The following GABBR2 variants were observed in gnomAD, a reference collection of about 807,000 sequenced individuals.
GABBR2 encodes the protein gamma-aminobutyric acid type B receptor subunit 2, also known as G-protein coupled receptor 51.
GABBR2 carries 23 observed loss-of-function variants against 105.6 expected under a neutral mutation model. The ratio of observed to expected loss-of-function variants is 0.22; its 90% CI spans 0.16 to 0.31. The LOEUF is 0.31. Among genes scored for constraint, GABBR2 ranks in the 10% least tolerant of loss-of-function variants. The pLI is 1.00. For synonymous variants in GABBR2, 478 were observed against 499.7 expected (o/e 0.96, Z 0.58); for missense variants, 734 against 1,245.5 (o/e 0.59, Z 6.18).
chr9:98,517,873 A>C (rs200324071), intron 3 of GABBR2, among the ~76,000 whole-genome samples: 2 of 151,410 alleles, frequency 1.3e-5, no homozygotes, highest in African/African-American at 4.9e-5. Flanking sequence ...CAGGAGTCAG[A>C]AGACCAGTGA....
At chr9:98,630,201 G>A (rs192817938) in intron 1 of GABBR2, among the ~76,000 whole-genome samples, 1 of 152,300 alleles carries the variant, frequency 6.6e-6, no homozygotes, top group Non-Finnish European at 1.5e-5. Context: ...ATCACTGGGT[G>A]AGAAGCATCC....
chr9:98,336,482 G>A (rs1040547012), intron 13 of GABBR2, among the ~76,000 whole-genome samples: 2 of 152,220 alleles, frequency 1.3e-5, no homozygotes, highest in South Asian at 4.1e-4. Flanking sequence ...AAGGCGGGTG[G>A]ATCACAAAGT....
chr9:98,640,270 G>T (rs1829942120), intron 1 of GABBR2, among the ~76,000 whole-genome samples: 1 of 152,032 alleles, frequency 6.6e-6, no homozygotes, highest in South Asian at 2.1e-4. Flanking sequence ...AGTAACACAT[G>T]TTGAACTGAA....
Position 98,454,258 on chromosome 9 carries a change from G to GGT in GABBR2, c.1000-42_1000-41insAC, listed in dbSNP as rs765642092. The stretch of plus-strand genomic sequence containing the variant: ...ATTGGGGGAATCCCAAGTTATACTC[G>GGT]GCAGGGACATCAGGTGCCTGATGCC... On this transcript the variant is annotated intron_variant, in intron 6 of 18. Transcript: ENST00000259455. This position sits in a 1 kb window ranked among gnomAD's most constrained non-coding sequence, Gnocchi z 4.6. 4 of 1,384,118 alleles carry GGT rather than the reference G, an allele frequency of 2.9e-6. No homozygotes were observed. In the South Asian group the frequency reaches 4.6e-5, roughly 16 times the overall value. 85.7% of individuals were successfully genotyped at this position (1,384,118 alleles called of 1,614,324 possible).
intron 1 of GABBR2, among the ~76,000 whole-genome samples, chr9:98,707,010 C>G (rs1180584766): frequency 6.6e-6 from 1 of 152,236 alleles, no homozygotes; most frequent in East Asian, 1.9e-4. Context: ...GGACGCCTCT[C>G]CGCCTGCAGC....
intron 13 of GABBR2, among the ~76,000 whole-genome samples, chr9:98,345,849 A>G (rs191574926): frequency 2.6e-5 from 4 of 152,372 alleles, no homozygotes; most frequent in Admixed American, 1.3e-4. Context: ...CCACTGCAAT[A>G]AAGTGGATAT....
chr9:98,487,535 G>A (rs1293865429), intron 4 of GABBR2, among the ~76,000 whole-genome samples: 1 of 152,076 alleles, frequency 6.6e-6, no homozygotes, highest in African/African-American at 2.4e-5. Flanking sequence ...AGCACATTAG[G>A]AGGCCAAGGC....
At chr9:98,362,871 G>A (rs1295081918) in intron 12 of GABBR2, 34 bp from the exon 13 acceptor site, 3 of 1,467,716 alleles carry the variant, frequency 2.0e-6, no homozygotes, top group Non-Finnish European at 1.8e-6. Flanking sequence ...GGGAGCCGAT[G>A]TGAGAGACAG....
At chr9:98,496,580 G>A (rs1392960008) in intron 3 of GABBR2, 66 bp from the exon 4 acceptor site, 1 of 1,059,496 alleles carries the variant, frequency 9.4e-7, no homozygotes, top group African/African-American at 1.5e-5. Flanking sequence ...GTTCCGAGGG[G>A]TCACCCTGGG....
chr9:98,461,642 G>A (rs888531441), intron 6 of GABBR2, among the ~76,000 whole-genome samples: 12 of 152,128 alleles, frequency 7.9e-5, no homozygotes, highest in African/African-American at 2.4e-4. Context: ...ATATCTTCAC[G>A]AGCATGGGTG....
At chr9:98,443,400 C>T (rs1826066842) in intron 7 of GABBR2, among the ~76,000 whole-genome samples, 1 of 152,190 alleles carries the variant, frequency 6.6e-6, no homozygotes, top group Admixed American at 6.5e-5. Flanking sequence ...TGCTAAACCA[C>T]ATTATTTTGA....
At chr9:98,571,297 G>A (rs1828826252) in intron 2 of GABBR2, among the ~76,000 whole-genome samples, 3 of 152,202 alleles carry the variant, frequency 2.0e-5, no homozygotes, top group Admixed American at 2.0e-4. Flanking sequence ...CATGGACTGT[G>A]AGCTTCATCC....
Position 98,306,280 on chromosome 9 carries a change from C to T in GABBR2, c.2070G>A (p.Lys690=). The change falls in exon 15 of 19, where the codon AAG becomes AAA. Residue 690 remains lysine, a synonymous_variant. Transcript: ENST00000259455. The surrounding 1 kb of genome is among the most constrained non-coding windows in gnomAD (Gnocchi z 5.4). Reference sequence around the variant, plus strand: ...CGTTGTAGACACTCATCCCGATGTACTTGCTGTCGTTGAGTGCGGGGATGC... The same window carrying T: ...CGTTGTAGACACTCATCCCGATGTATTTGCTGTCGTTGAGTGCGGGGATGC... ...NVSIPALNDS[K]YIGMSVYNVG... 6.2e-7 allele frequency: 1 copy of T among 1,614,166 alleles called. No individual in the cohort carries two copies. Among genetic ancestry groups the T allele is most frequent in the Non-Finnish European group, 8.5e-7 (1 of 1,179,976 alleles).
At chr9:98,576,228 C>T (rs1054288924) in intron 2 of GABBR2, among the ~76,000 whole-genome samples, 4 of 152,194 alleles carry the variant, frequency 2.6e-5, no homozygotes, top group Middle Eastern at 6.3e-3. Context: ...TCCTGCTCAC[C>T]CTGTCACTCA....
intron 8 of GABBR2, among the ~76,000 whole-genome samples, chr9:98,397,364 C>T (rs1481575714): frequency 6.6e-6 from 1 of 152,088 alleles, no homozygotes; most frequent in Non-Finnish European, 1.5e-5. Context: ...CATTACTGGA[C>T]ACCCATTACG....
At chr9:98,574,023 A>AG (rs1343878036) in intron 2 of GABBR2, among the ~76,000 whole-genome samples, 6 of 152,196 alleles carry the variant, frequency 3.9e-5, no homozygotes, top group African/African-American at 1.4e-4. Context: ...ACTGAAGGAA[A>AG]GGGGGAAAAG....
At chr9:98,415,586 G>A (rs1832676382) in intron 7 of GABBR2, among the ~76,000 whole-genome samples, 1 of 152,214 alleles carries the variant, frequency 6.6e-6, no homozygotes, top group South Asian at 2.1e-4. Context: ...AACGTGCAGA[G>A]ATGATATTGT....
At chr9:98,550,169 C>A (rs1454354389) in intron 2 of GABBR2, among the ~76,000 whole-genome samples, 5 of 152,162 alleles carry the variant, frequency 3.3e-5, no homozygotes, top group African/African-American at 1.2e-4. Flanking sequence ...CCCAGTTATC[C>A]CACCTGATCC....
chr9:98,410,678 CAGCAGCAGG>C (rs1287946465), intron 7 of GABBR2, among the ~76,000 whole-genome samples: 2 of 151,902 alleles, frequency 1.3e-5, no homozygotes, highest in Non-Finnish European at 2.9e-5. Context: ...GCAGAAACAG[CAGCAGCAGG>C]AGCCTCGGAG....
Sources: allele counts gnomAD v4.1 joint callset (sites outside exome capture counted in the v4.1 genomes callset), GRCh38; gene constraint gnomAD v4.1.1; non-coding constraint Gnocchi (gnomAD v3.1); transcripts MANE v1.5; gene names NCBI Gene and HGNC (gene_info 2026-07-23, HGNC 2026-07-21).